STRIP1: variants seen among roughly 807,000 people sequenced by gnomAD.
STRIP1 encodes the protein striatin-interacting protein 1.
A neutral mutation model predicts 106.2 loss-of-function variants in STRIP1; 63 were observed. The observed-to-expected ratio is 0.59, with a 90% CI of 0.48 to 0.73. STRIP1 has a LOEUF of 0.73. STRIP1 is among the 30% of genes least tolerant of loss of function. The probability of loss-of-function intolerance (pLI) is 0.00; values close to 1 mark genes in which losing one functional copy is unlikely to be tolerated. For synonymous variants in STRIP1, 390 were observed against 413.0 expected, an observed-to-expected ratio of 0.94 and a Z score of 0.67; for missense variants, 857 against 1,074.8, an observed-to-expected ratio of 0.80 and a Z score of 2.83.
At position 110,037,888 on chromosome 1, in the gene STRIP1, C is replaced by G. The variant is rs1652539001; in HGVS notation, c.181-3C>G. On this transcript the variant is annotated splice_polypyrimidine_tract_variant and splice_region_variant and intron_variant, in intron 1 of 20. Transcript: ENST00000369795. ...TCCTAAAGCTCTCTCCTCTTGTCAG[C>G]AGGGCTATTCGGAGTCACCAGACCT... 6.2e-7 allele frequency: 1 copy of G among 1,603,394 alleles called. No homozygotes were observed. The highest frequency in any genetic ancestry group is 8.5e-7 in the Non-Finnish European group (1 of 1,171,010).
intron 1 of STRIP1, among the ~76,000 whole-genome samples, chr1:110,037,303 C>T (rs1040426139): frequency 1.3e-5 from 2 of 152,200 alleles, no homozygotes; most frequent in African/African-American, 2.4e-5. Context: ...AAAAGATTGT[C>T]TTTGTCACAT....
chr1:110,031,711 C>T (rs1652193426), upstream of STRIP1: 1 of 152,042 alleles, frequency 6.6e-6, no homozygotes, highest in African/African-American at 2.4e-5. Context: ...ACTTCTACAG[C>T]TTCTACTCTC....
chr1:110,041,695 G>A, intron 7 of STRIP1, 39 bp from the exon 8 acceptor site: 1 of 1,614,156 alleles, frequency 6.2e-7, no homozygotes, highest in Non-Finnish European at 8.5e-7. Context: ...TGAGGCGGAA[G>A]GCTTTGGGAG....
intron 10 of STRIP1, 63 bp downstream of exon 10, chr1:110,043,919 T>A: frequency 6.9e-7 from 1 of 1,447,214 alleles, no homozygotes; most frequent in East Asian, 2.3e-5. Flanking sequence ...CCCTCAGGCC[T>A]GCCACCTGGC....
rs768723577 is a variant in STRIP1 at position 110,043,794 on chromosome 1, A to T, written c.1224A>T (p.Leu408=). 1 of 1,614,146 alleles carries T rather than the reference A, an allele frequency of 6.2e-7. No homozygotes were observed. The highest frequency in any genetic ancestry group is 8.5e-7 in the Non-Finnish European group (1 of 1,180,024). ...LERDEVMPPP[L]QHPQTDRLTC... ...GGGATGAAGTGATGCCTCCCCCGCT[A>T]CAGCACCCACAGACTGACAGGCTGA... is the stretch of plus-strand genomic sequence containing the variant. Residue 408 remains leucine, a synonymous_variant, in exon 10 of 21, where the codon CTA becomes CTT. Coordinates refer to ENST00000369795, the MANE Select transcript of STRIP1 (RefSeq NM_033088.4).
intron 20 of STRIP1, 54 bp downstream of exon 20, chr1:110,051,941 A>G (rs1653322426): frequency 1.3e-6 from 2 of 1,572,260 alleles, no homozygotes; most frequent in Middle Eastern, 2.3e-4. Flanking sequence ...GAAAAGTGAC[A>G]TCTTTCACTC....
chr1:110,043,391 GC>G, intron 9 of STRIP1, 121 bp downstream of exon 9: 1 of 1,086,972 alleles, frequency 9.2e-7, no homozygotes, highest in Non-Finnish European at 1.3e-6. Flanking sequence ...TCAGAATCAT[GC>G]CTCCACAGCG....
At chr1:110,035,147 G>C (rs1033606949) in intron 1 of STRIP1, among the ~76,000 whole-genome samples, 1 of 152,168 alleles carries the variant, frequency 6.6e-6, no homozygotes, top group African/African-American at 2.4e-5. Context: ...GTGAGGAGTC[G>C]GGGGTCTTGG....
chr1:110,047,685 C>G (rs1343079782), intron 14 of STRIP1, 69 bp downstream of exon 14: 1 of 1,542,964 alleles, frequency 6.5e-7, no homozygotes, highest in African/African-American at 1.4e-5. Flanking sequence ...GTCCTCCTGC[C>G]ACCTGCAGAC....
chr1:110,052,761 T>C (rs1486247982), intron 20 of STRIP1, among the ~76,000 whole-genome samples: 1 of 152,110 alleles, frequency 6.6e-6, no homozygotes, highest in Non-Finnish European at 1.5e-5. Context: ...TGATCCACTG[T>C]GCCCAGCCTT....
intron 2 of STRIP1, 128 bp from the exon 3 acceptor site, chr1:110,038,555 T>A (rs1201609046): frequency 2.9e-6 from 2 of 680,626 alleles, no homozygotes; most frequent in Non-Finnish European, 5.2e-6. Context: ...GAGAGCTTAT[T>A]CCAGGAGTCA....
intron 17 of STRIP1, 91 bp from the exon 18 acceptor site, chr1:110,050,252 A>T: frequency 1.6e-6 from 2 of 1,251,298 alleles, no homozygotes; most frequent in South Asian, 2.5e-5. Context: ...CAAGTGAGGG[A>T]GGAAAGCTGG....
At chr1:110,038,891 C>A in intron 3 of STRIP1, 134 bp downstream of exon 3, 1 of 837,156 alleles carries the variant, frequency 1.2e-6, no homozygotes. Flanking sequence ...TGGTTCAAAG[C>A]CAGATACATG....
intron 8 of STRIP1, among the ~76,000 whole-genome samples, chr1:110,042,514 A>G (rs1652811364): frequency 6.6e-6 from 1 of 152,222 alleles, no homozygotes; most frequent in Non-Finnish European, 1.5e-5. Flanking sequence ...GGATTTCTTA[A>G]AAGTCATTGA....
intron 12 of STRIP1, 162 bp downstream of exon 12, chr1:110,045,240 T>A (rs1652966186): frequency 6.4e-6 from 4 of 620,216 alleles, no homozygotes; most frequent in Non-Finnish European, 1.1e-5. Context: ...CTTTCGTAAG[T>A]TTTGCTTGTT....
Position 110,043,050 on chromosome 1 carries a change from A to T in STRIP1, c.886-38A>T, listed in dbSNP as rs1166661174. The T allele has an allele frequency of 3.8e-6, 6 of 1,572,706 alleles. No homozygotes were observed. The Admixed American group carries it at 9.2e-5, about 24-fold the overall frequency. On this transcript the variant is annotated intron_variant, in intron 8 of 20. Transcript: ENST00000369795. ...AATGGTCAGGGGCCAGCCTGTGGACACATTGACCCTGGCTCTGCTTCCCTG... is the reference window on the plus strand; with the variant it reads ...AATGGTCAGGGGCCAGCCTGTGGACTCATTGACCCTGGCTCTGCTTCCCTG...
rs568299058 is a variant in STRIP1 at position 110,043,874 on chromosome 1, A to G, written c.1286+18A>G. 1.9e-6 allele frequency: 3 copies of G among 1,606,800 alleles called. No individual in the cohort carries two copies. The highest frequency in any genetic ancestry group is 4.5e-5 in the East Asian group (2 of 44,854). On this transcript the variant is annotated intron_variant, in intron 10 of 20. Coordinates refer to ENST00000369795, the MANE Select transcript of STRIP1 (RefSeq NM_033088.4). ...AAGGTCAGGTGAGTCTCAGACCTCC[A>G]GAGCACTCATAGTTCCTGAGGCAGA...
At chr1:110,041,283 C>G in intron 6 of STRIP1, 1 of 353,592 alleles carries the variant, frequency 2.8e-6, no homozygotes, top group East Asian at 5.5e-5. Flanking sequence ...ATTTCCTCAT[C>G]ATAAACCCTG....
chr1:110,040,447 A>C (rs1652703616), intron 5 of STRIP1, among the ~76,000 whole-genome samples, 188 bp from the exon 6 acceptor site: 1 of 152,152 alleles, frequency 6.6e-6, no homozygotes, highest in South Asian at 2.1e-4. Flanking sequence ...CTCCCGAAGT[A>C]CTGGGATTAC....
Sources: gnomAD v4.1 joint callset for allele counts (sites outside exome capture counted in the v4.1 genomes callset) on GRCh38, gnomAD v4.1.1 for gene constraint, MANE v1.5 for transcripts, NCBI Gene and HGNC (gene_info 2026-07-23, HGNC 2026-07-21) for gene names.